The following ODAD2 variants were observed in gnomAD, a reference collection of about 807,000 sequenced individuals.
ODAD2 encodes outer dynein arm docking complex subunit 2.
ODAD2 carries 89 observed loss-of-function variants against 106.8 expected under a neutral mutation model. The observed-to-expected ratio is 0.83, with a 90% CI of 0.70 to 0.99. The LOEUF is 0.99. Ranked by LOEUF, ODAD2 falls within the 50% of genes least tolerant of loss-of-function variation. The pLI is 0.00. For missense variants in ODAD2, 1,168 were observed against 1,238.5 expected (o/e 0.94, Z 0.85); for synonymous variants, 404 against 436.2 (o/e 0.93, Z 0.92).
rs532630544 is a variant in ODAD2, at chr10:27,981,495, G to A, written c.907C>T (p.Pro303Ser). 1.1e-5 allele frequency: 17 copies of A among 1,518,998 alleles called. No individual in the cohort carries two copies. In the South Asian group the frequency reaches 2.2e-4, roughly 19 times the overall value. 94.1% of individuals were successfully genotyped at this position (1,518,998 alleles called of 1,614,324 possible). A position where few individuals can be genotyped will look rare whatever the true frequency, so the allele number is the denominator to read the frequency against. The change falls in exon 7 of 20, where the codon CCA (proline) becomes TCA (serine). Residue 303 changes from proline to serine, a missense_variant. Around this residue, in one of 3 missense-constraint regions of ODAD2, gnomAD observed 430 missense variants for 452.2 expected, o/e 0.95. Coordinates refer to ENST00000305242, the MANE Select transcript of ODAD2 (RefSeq NM_018076.5). ...NLVTFLREKS[P>S]KFSENMSKLG... ...TTAGACATATTTTCTGAAAATTTTG[G>A]TGATTTTTCTCTTAAAAATGTGACA...
chr10:27,924,043 G>A (rs371307452), intron 16 of ODAD2, among the ~76,000 whole-genome samples: 2,174 of 107,430 alleles, frequency 0.02, 133 homozygotes, highest in African/African-American at 0.027. Flanking sequence ...AAAGAAAGAA[G>A]GAAAGAGAAA....
intron 17 of ODAD2, among the ~76,000 whole-genome samples, chr10:27,891,472 G>GAT (rs1416396892): frequency 1.3e-5 from 2 of 151,762 alleles, no homozygotes; most frequent in African/African-American, 4.8e-5. Context: ...TGATCTCATG[G>GAT]ATATATATTA....
At chr10:27,929,526 G>T (rs1393685550) in intron 16 of ODAD2, among the ~76,000 whole-genome samples, 1 of 151,994 alleles carries the variant, frequency 6.6e-6, no homozygotes, top group Non-Finnish European at 1.5e-5. Context: ...GTTTCCACTG[G>T]TATCTTTTAG....
chr10:27,906,306 A>G (rs374843052), intron 17 of ODAD2, among the ~76,000 whole-genome samples: 125 of 152,352 alleles, frequency 8.2e-4, no homozygotes, highest in African/African-American at 2.9e-3. Context: ...CAAAACCACA[A>G]TGAGACACCA....
chr10:27,866,927 T>G (rs1840480729), intron 17 of ODAD2, among the ~76,000 whole-genome samples: 2 of 152,124 alleles, frequency 1.3e-5, no homozygotes, highest in African/African-American at 4.8e-5. Context: ...CTCAATGATG[T>G]TATAGATGTC....
intron 13 of ODAD2, among the ~76,000 whole-genome samples, chr10:27,940,296 G>GAT (rs985430994): frequency 6.6e-5 from 10 of 151,142 alleles, no homozygotes; most frequent in Admixed American, 2.6e-4. Context: ...ATATATGTGT[G>GAT]ATATATATAT....
intron 19 of ODAD2, among the ~76,000 whole-genome samples, chr10:27,816,561 G>A (rs1191573759): frequency 6.6e-6 from 1 of 152,138 alleles, no homozygotes; most frequent in African/African-American, 2.4e-5. Flanking sequence ...TAGGAAGTGA[G>A]GCCTCAACAA....
At chr10:27,934,912 T>A in intron 16 of ODAD2, 98 bp downstream of exon 16, 3 of 1,406,298 alleles carry the variant, frequency 2.1e-6, no homozygotes, top group Middle Eastern at 1.8e-4. Context: ...TTTTCATCAT[T>A]CGTGCACATC....
Position 27,987,421 on chromosome 10 carries a change from G to A in ODAD2, c.347C>T (p.Thr116Ile). The A allele has an allele frequency of 6.2e-7, 1 of 1,613,486 alleles. No individual in the cohort carries two copies. Residue 116 changes from threonine (T) to isoleucine (I), a missense_variant, in exon 3 of 20, where the codon ACT (threonine) becomes ATT (isoleucine). Thr to Ile is a moderately conservative substitution (Grantham distance 89). Transcript: ENST00000305242. ...QLSRLLLIAK[T>I]GKLKEAQACV... ...TGCTTGGGCTTCCTTCAACTTCCCA[G>A]TTTTGGCAATAAGTAACAAGCGTGA...
At chr10:27,894,586 A>T (rs1842747519) in intron 17 of ODAD2, among the ~76,000 whole-genome samples, 1 of 152,026 alleles carries the variant, frequency 6.6e-6, no homozygotes, top group Admixed American at 6.6e-5. Flanking sequence ...CTTAAAAGAA[A>T]TTTTTTTTGA....
At chr10:27,812,697 A>G (rs1378115213) in intron 19 of ODAD2, 72 bp from the exon 20 acceptor site, 1 of 1,477,524 alleles carries the variant, frequency 6.8e-7, no homozygotes, top group Admixed American at 2.8e-5. Context: ...AAGTTAGGCT[A>G]GGAAAATAAT....
intron 19 of ODAD2, among the ~76,000 whole-genome samples, chr10:27,820,777 C>CTTTTTTTTTTTTTTTTTTTTTT (rs72095120): frequency 1.0e-4 from 11 of 105,552 alleles, no homozygotes; most frequent in African/African-American, 4.3e-4. Flanking sequence ...AGCCCAGCAA[C>CTTTTTTTTTTTTTTTTTTTTTT]TTTTTTTTTT....
At chr10:27,895,599 T>C (rs1385632115) in intron 17 of ODAD2, among the ~76,000 whole-genome samples, 6 of 152,194 alleles carry the variant, frequency 3.9e-5, no homozygotes, top group Non-Finnish European at 8.8e-5. Context: ...TAAACTTTAA[T>C]TAAAACTGCA....
chr10:27,906,405 T>C (rs976254480), intron 17 of ODAD2, among the ~76,000 whole-genome samples: 1 of 152,174 alleles, frequency 6.6e-6, no homozygotes, highest in Non-Finnish European at 1.5e-5. Flanking sequence ...GCTTTTACAC[T>C]GTTGGTGGGA....
At chr10:27,937,286 G>A (rs531057507) in intron 14 of ODAD2, among the ~76,000 whole-genome samples, 95 of 151,988 alleles carry the variant, frequency 6.3e-4, no homozygotes, top group African/African-American at 2.3e-3. Flanking sequence ...CTCTTCAATG[G>A]CCCCTGAAAT....
chr10:27,829,726 T>C (rs4749263), intron 19 of ODAD2, among the ~76,000 whole-genome samples: 49 of 152,326 alleles, frequency 3.2e-4, no homozygotes, highest in Admixed American at 2.1e-3. Context: ...TTTGCTAAAA[T>C]GTTATAAAAT....
At chr10:27,854,382 T>A (rs1839507045) in intron 19 of ODAD2, among the ~76,000 whole-genome samples, 1 of 152,190 alleles carries the variant, frequency 6.6e-6, no homozygotes, top group Non-Finnish European at 1.5e-5. Context: ...AGGAAGCAAA[T>A]GTCCACCCAA....
In ODAD2 at chr10:27,935,215, G is replaced by T; in HGVS notation, c.2290C>A (p.Leu764Ile). Residue 764 changes from leucine (L) to isoleucine (I), a missense_variant, in exon 16 of 20, where the codon CTT (leucine) becomes ATT (isoleucine). Coordinates refer to ENST00000305242, the MANE Select transcript of ODAD2 (RefSeq NM_018076.5). ...EYKAIETLVGLLTDQPEEVLV... is the reference protein window; with the variant it reads ...EYKAIETLVGILTDQPEEVLV... The stretch of plus-strand genomic sequence containing the variant: ...ACTTCTTCAGGCTGATCTGTTAGAA[G>T]TCCCACCAAGGTTTCAATGGCTTTG... 1 of 1,613,950 alleles carries T rather than the reference G, an allele frequency of 6.2e-7. No homozygotes were observed. Among genetic ancestry groups the T allele is most frequent in the Non-Finnish European group, 8.5e-7 (1 of 1,179,856 alleles).
At chr10:27,875,706 G>C (rs1589888333) in intron 17 of ODAD2, among the ~76,000 whole-genome samples, 1 of 152,170 alleles carries the variant, frequency 6.6e-6, no homozygotes, top group East Asian at 1.9e-4. Context: ...CTGCAGGACA[G>C]TGGGTGCAGC....
Sources: gnomAD v4.1 joint callset for allele counts (sites outside exome capture counted in the v4.1 genomes callset) on GRCh38, gnomAD v4.1.1 for gene constraint, gnomAD v4.1.1 regional missense constraint, MANE v1.5 for transcripts, NCBI Gene and HGNC (gene_info 2026-07-23, HGNC 2026-07-21) for gene names.